PARD3: variants seen among roughly 807,000 people sequenced by gnomAD.
The protein encoded by PARD3 is partitioning defective 3 homolog.
In PARD3, 75 loss-of-function variants were observed where a neutral mutation model predicts 155.4. The ratio of observed to expected loss-of-function variants is 0.48; its 90% CI spans 0.40 to 0.58. PARD3 has a LOEUF of 0.58. PARD3 is among the 20% of genes least tolerant of loss of function. PARD3 has a pLI of 0.00. For missense variants in PARD3, 1,642 were observed against 1,721.7 expected, an observed-to-expected ratio of 0.95 and a Z score of 0.82; for synonymous variants, 576 against 610.5, an observed-to-expected ratio of 0.94 and a Z score of 0.83.
intron 23 of PARD3, among the ~76,000 whole-genome samples, chr10:34,125,314 C>CT (rs1289912214): frequency 1.3e-5 from 2 of 152,104 alleles, no homozygotes; most frequent in African/African-American, 4.8e-5. Context: ...ATCCACCCAC[C>CT]TGGGCCTCCC....
At chr10:34,115,846 G>A (rs1162149009) in intron 24 of PARD3, among the ~76,000 whole-genome samples, 2 of 151,650 alleles carry the variant, frequency 1.3e-5, no homozygotes, top group Non-Finnish European at 2.9e-5. Flanking sequence ...CCGAGTAGCT[G>A]GGACTACACG....
At chr10:34,811,696 T>C (rs966281384) in intron 1 of PARD3, among the ~76,000 whole-genome samples, 7 of 152,206 alleles carry the variant, frequency 4.6e-5, no homozygotes, top group African/African-American at 1.2e-4. Context: ...TTTTTGAAAA[T>C]TGCACGAATT....
intron 16 of PARD3, among the ~76,000 whole-genome samples, chr10:34,338,179 T>A (rs551743349): frequency 6.6e-6 from 1 of 152,320 alleles, no homozygotes; most frequent in East Asian, 1.9e-4. Flanking sequence ...TAAGTTTAGA[T>A]GACATTTGAT....
chr10:34,131,588 AAG>A lies in PARD3; in HGVS notation c.3420-7_3420-6del. On this transcript the variant is annotated splice_region_variant and splice_polypyrimidine_tract_variant and intron_variant, in intron 22 of 24. Transcript: ENST00000374788. ...TTGCTAGGAGTTGATCTGTTACTGA[AAG>A]AGAGATGAGGCAGCAGTGAATACCC... 1 of 1,613,552 alleles carries A rather than the reference AAG, an allele frequency of 6.2e-7. No homozygotes were observed. Among genetic ancestry groups the A allele is most frequent in the Non-Finnish European group, 8.5e-7 (1 of 1,179,556 alleles).
chr10:34,749,770 C>T (rs1835756847), intron 1 of PARD3, among the ~76,000 whole-genome samples: 1 of 152,078 alleles, frequency 6.6e-6, no homozygotes, highest in South Asian at 2.1e-4. Flanking sequence ...CACCTGTAAT[C>T]CCAGCACTTT....
intron 2 of PARD3, among the ~76,000 whole-genome samples, chr10:34,547,541 T>A (rs569942845): frequency 6.6e-6 from 1 of 152,318 alleles, no homozygotes; most frequent in East Asian, 1.9e-4. Context: ...GCTCCTATGC[T>A]CTGTAAGGAA....
At chr10:34,361,690 C>T (rs1387266955) in intron 12 of PARD3, among the ~76,000 whole-genome samples, 2 of 152,058 alleles carry the variant, frequency 1.3e-5, no homozygotes, top group Non-Finnish European at 2.9e-5. Context: ...AATCTTTAGA[C>T]CCATAGTAAT....
intron 5 of PARD3, among the ~76,000 whole-genome samples, chr10:34,408,608 C>T (rs549689041): frequency 6.6e-5 from 10 of 151,996 alleles, no homozygotes; most frequent in Non-Finnish European, 1.3e-4. Flanking sequence ...ATTAACTGGC[C>T]GAAACACCAG....
intron 22 of PARD3, among the ~76,000 whole-genome samples, chr10:34,148,643 A>G (rs1362833436): frequency 6.6e-6 from 1 of 152,204 alleles, no homozygotes; most frequent in Non-Finnish European, 1.5e-5. Context: ...AAGTGGCATC[A>G]TACAGAACAT....
At chr10:34,772,687 G>A (rs546931868) in intron 1 of PARD3, among the ~76,000 whole-genome samples, 109 of 151,146 alleles carry the variant, frequency 7.2e-4, no homozygotes, top group African/African-American at 2.5e-3. Context: ...CCAGCTACTC[G>A]GGAGGCTGAG....
At chr10:34,462,145 C>G (rs927425562) in intron 4 of PARD3, among the ~76,000 whole-genome samples, 11 of 152,278 alleles carry the variant, frequency 7.2e-5, no homozygotes, top group Middle Eastern at 3.4e-3. Context: ...ACAGGAAATA[C>G]AAAATGTTGC....
At chr10:34,314,904 T>C (rs1270738282) in intron 20 of PARD3, among the ~76,000 whole-genome samples, 2 of 152,184 alleles carry the variant, frequency 1.3e-5, no homozygotes, top group African/African-American at 2.4e-5. Flanking sequence ...TTTCTAAAAA[T>C]TGATCAATTG....
rs537231711 is a variant in PARD3, at chr10:34,631,429, A to G, written c.222+64889T>C. Among the ~76,000 whole-genome samples the G allele has an allele frequency of 7.2e-5, 11 of 152,308 alleles. No homozygotes were observed. In the East Asian group the frequency reaches 2.1e-3, roughly 29 times the overall value. Reference sequence around the variant, plus strand: ...TTACCCTTAGGAGGGGGCAGTGATTAAGAGGTGGTATGAGAGCCTCGTTTC... The same window carrying G: ...TTACCCTTAGGAGGGGGCAGTGATTGAGAGGTGGTATGAGAGCCTCGTTTC... On this transcript the variant is annotated intron_variant, in intron 2 of 24. Transcript: ENST00000374788.
chr10:34,452,751 G>A (rs1192272681), intron 4 of PARD3, among the ~76,000 whole-genome samples: 1 of 152,112 alleles, frequency 6.6e-6, no homozygotes, highest in African/African-American at 2.4e-5. Flanking sequence ...AAACGAAACT[G>A]TTTCCTGAAT....
At chr10:34,732,022 T>C (rs959544381) in intron 1 of PARD3, among the ~76,000 whole-genome samples, 9 of 152,232 alleles carry the variant, frequency 5.9e-5, no homozygotes, top group Non-Finnish European at 7.3e-5. Context: ...TCACAGCTAT[T>C]AATCTTTTCT....
At chr10:34,140,689 C>G (rs867255556) in intron 22 of PARD3, among the ~76,000 whole-genome samples, 1 of 152,126 alleles carries the variant, frequency 6.6e-6, no homozygotes, top group Non-Finnish European at 1.5e-5. Context: ...AGCTCCTCTG[C>G]GCAAGCTTCA....
In PARD3 at chr10:34,796,233, A is replaced by G. The variant is rs563435577; in HGVS notation, c.120+18643T>C. 5.3e-5 allele frequency among the ~76,000 whole-genome samples: 8 copies of G among 152,292 alleles called. No individual in the cohort carries two copies. The East Asian group carries it at 1.3e-3, about 26-fold the overall frequency. ...TTCTAGTTAGTTACCCCCACCAAAC[A>G]CCAGATATATGAATGGAGCCATCTA... is the stretch of plus-strand genomic sequence containing the variant. On this transcript the variant is annotated intron_variant, in intron 1 of 24. Transcript: ENST00000374788.
intron 2 of PARD3, among the ~76,000 whole-genome samples, chr10:34,600,263 T>C (rs987651926): frequency 2.0e-5 from 3 of 151,970 alleles, no homozygotes; most frequent in East Asian, 1.9e-4. Flanking sequence ...AAGGATCGCC[T>C]GAGTCTGGGA....
intron 22 of PARD3, among the ~76,000 whole-genome samples, chr10:34,265,957 A>T (rs987464954): frequency 7.2e-5 from 11 of 152,090 alleles, no homozygotes; most frequent in African/African-American, 2.4e-4. Flanking sequence ...ACCCAAATGA[A>T]CCTGCCATGG....
Sources: gnomAD v4.1 joint callset for allele counts (sites outside exome capture counted in the v4.1 genomes callset) on GRCh38, gnomAD v4.1.1 for gene constraint, MANE v1.5 for transcripts, NCBI Gene and HGNC (gene_info 2026-07-23, HGNC 2026-07-21) for gene names.